The following THSD7A variants were observed in gnomAD, a reference collection of about 807,000 sequenced individuals.
THSD7A encodes the protein thrombospondin type-1 domain-containing protein 7A.
THSD7A carries 96 observed loss-of-function variants against 231.3 expected under a neutral mutation model. The ratio of observed to expected loss-of-function variants is 0.41; its 90% CI spans 0.35 to 0.49. The LOEUF (loss-of-function observed/expected upper bound fraction) is 0.49, where lower values mean the gene tolerates loss of function less well. THSD7A is among the 20% of genes least tolerant of loss of function. The pLI, the probability that THSD7A is intolerant of heterozygous loss-of-function variation, is 0.05. For missense variants in THSD7A, 2,290 were observed against 2,070.2 expected (o/e 1.11, Z -2.06); for synonymous variants, 940 against 743.3 (o/e 1.26, Z -4.30).
chr7:11,822,011 C>A (rs1784888072), intron 1 of THSD7A, among the ~76,000 whole-genome samples: 1 of 152,118 alleles, frequency 6.6e-6, no homozygotes, highest in African/African-American at 2.4e-5. Context: ...TATCATTGCT[C>A]CAAGTATTAC....
intron 1 of THSD7A, among the ~76,000 whole-genome samples, chr7:11,745,270 G>A (rs1004980228): frequency 8.6e-5 from 13 of 151,940 alleles, no homozygotes; most frequent in South Asian, 2.1e-4. Flanking sequence ...CATGTCCTTC[G>A]CCCACTTTTT....
intron 17 of THSD7A, among the ~76,000 whole-genome samples, chr7:11,416,463 C>A (rs1783963586): frequency 1.3e-5 from 2 of 152,124 alleles, no homozygotes; most frequent in South Asian, 4.1e-4. Flanking sequence ...GAAATTAGAA[C>A]AGAAAATCAA....
chr7:11,633,456 T>C (rs1008105395), intron 2 of THSD7A, among the ~76,000 whole-genome samples: 2 of 152,202 alleles, frequency 1.3e-5, no homozygotes, highest in South Asian at 2.1e-4. Context: ...AACTCAAGTA[T>C]GCTTCAGCAG....
At chr7:11,641,232 G>A (rs990822805) in intron 1 of THSD7A, among the ~76,000 whole-genome samples, 8 of 152,072 alleles carry the variant, frequency 5.3e-5, no homozygotes, top group Admixed American at 5.2e-4. Context: ...AAGCTTTGCA[G>A]TTCTGCTAAT....
intron 13 of THSD7A, 80 bp downstream of exon 13, chr7:11,445,981 T>G: frequency 6.5e-7 from 1 of 1,539,780 alleles, no homozygotes; most frequent in South Asian, 1.2e-5. Context: ...AACCTTCACT[T>G]CCATTCCACT....
In THSD7A at chr7:11,746,412, T is replaced by G. The variant is rs143269668; in HGVS notation, c.190+85345A>C. 7.4e-3 allele frequency among the ~76,000 whole-genome samples: 1,120 copies of G among 152,028 alleles called. 24 individuals are homozygous for G. The highest frequency in any genetic ancestry group is 0.025 in the African/African-American group (1,052 of 41,540). ...GATGTCCTTTTTCTGTTCCAGGATC[T>G]AATCCAGAATCCCCCAATGCATTTT... On this transcript the variant is annotated intron_variant, in intron 1 of 27. Coordinates refer to ENST00000423059, the MANE Select transcript of THSD7A (RefSeq NM_015204.3).
intron 22 of THSD7A, among the ~76,000 whole-genome samples, chr7:11,402,764 G>A (rs1413508761): frequency 3.3e-5 from 5 of 152,216 alleles, no homozygotes; most frequent in Middle Eastern, 6.8e-3. Flanking sequence ...TCTCATTTAT[G>A]TTTGTGAAAT....
chr7:11,515,697 A>T (rs1281316193), intron 6 of THSD7A, among the ~76,000 whole-genome samples: 1 of 152,166 alleles, frequency 6.6e-6, no homozygotes, highest in Non-Finnish European at 1.5e-5. Flanking sequence ...GAGAAAAGAC[A>T]GCCCATGTTT....
chr7:11,401,841 A>C lies in THSD7A; in HGVS notation c.4365T>G (p.Asn1455Lys), dbSNP rs1265465260. 1 of 1,613,776 alleles carries C rather than the reference A, an allele frequency of 6.2e-7. No homozygotes were observed. The highest frequency in any genetic ancestry group is 1.1e-5 in the South Asian group (1 of 91,060). Residue 1455 changes from asparagine to lysine, a missense_variant, in exon 23 of 28, where the codon AAT becomes AAG. By Grantham distance (94) the Asn-to-Lys change is moderately conservative. Coordinates refer to ENST00000423059, the MANE Select transcript of THSD7A (RefSeq NM_015204.3). ...ACATCTGCTCTGGGCACAGATGCTG[A>C]TTCTCTAGTTCTTGTATAATCACCG... The part of the protein sequence containing the change: ...SRPVIIQELE[N>K]QHLCPEQMLE...
chr7:11,711,404 A>G lies in THSD7A; in HGVS notation c.191-74443T>C, dbSNP rs142300229. On this transcript the variant is annotated intron_variant, in intron 1 of 27. Coordinates refer to ENST00000423059, the MANE Select transcript of THSD7A (RefSeq NM_015204.3). Reference sequence around the variant, plus strand: ...ACATGGCATTCCTATCCCCCAAGTTAAGTTTCTGAAATGCTGTTTTAACCT... The same window carrying G: ...ACATGGCATTCCTATCCCCCAAGTTGAGTTTCTGAAATGCTGTTTTAACCT... Among the ~76,000 whole-genome samples the G allele has an allele frequency of 4.6e-5, 7 of 151,088 alleles. No homozygotes were observed. In the East Asian group the frequency reaches 1.2e-3, roughly 25 times the overall value.
At chr7:11,569,126 A>T (rs1790512961) in intron 4 of THSD7A, among the ~76,000 whole-genome samples, 1 of 152,208 alleles carries the variant, frequency 6.6e-6, no homozygotes, top group African/African-American at 2.4e-5. Flanking sequence ...ACATTGGTCT[A>T]GGCAAAGATT....
At chr7:11,462,234 A>G in intron 9 of THSD7A, 91 bp from the exon 10 acceptor site, 1 of 1,409,024 alleles carries the variant, frequency 7.1e-7, no homozygotes, top group African/African-American at 1.4e-5. Context: ...CATTGCCTCC[A>G]GCTACATGTG....
intron 1 of THSD7A, among the ~76,000 whole-genome samples, chr7:11,647,886 T>A: frequency 6.6e-6 from 1 of 152,022 alleles, no homozygotes. Flanking sequence ...ATAGCACCCA[T>A]CCCTGATACA....
At chr7:11,798,700 T>G (rs1262530500) in intron 1 of THSD7A, among the ~76,000 whole-genome samples, 2 of 152,126 alleles carry the variant, frequency 1.3e-5, no homozygotes, top group Non-Finnish European at 2.9e-5. Context: ...ATTGGTAAAG[T>G]TGGTATCTAA....
intron 6 of THSD7A, among the ~76,000 whole-genome samples, chr7:11,536,818 A>G (rs1320470949): frequency 6.6e-6 from 1 of 151,326 alleles, no homozygotes; most frequent in Admixed American, 6.6e-5. Context: ...GAGTTCTATA[A>G]CTTCTCTTTT....
intron 6 of THSD7A, among the ~76,000 whole-genome samples, chr7:11,501,251 G>T (rs990972836): frequency 2.0e-5 from 3 of 152,132 alleles, no homozygotes; most frequent in African/African-American, 7.2e-5. Flanking sequence ...AGATATTCAG[G>T]ACCTAAACTC....
At chr7:11,413,367 A>C (rs191757115) in intron 17 of THSD7A, among the ~76,000 whole-genome samples, 39 of 152,264 alleles carry the variant, frequency 2.6e-4, no homozygotes, top group Non-Finnish European at 5.3e-4. Flanking sequence ...ACCACAGAGA[A>C]ACCTTGAAAA....
intron 2 of THSD7A, among the ~76,000 whole-genome samples, chr7:11,630,597 T>C (rs548686894): frequency 6.6e-5 from 10 of 152,308 alleles, no homozygotes; most frequent in African/African-American, 2.2e-4. Context: ...CCAACAGAAA[T>C]CTGTTTAAAA....
intron 1 of THSD7A, among the ~76,000 whole-genome samples, chr7:11,706,922 T>C (rs1338353327): frequency 6.6e-6 from 1 of 150,738 alleles, no homozygotes; most frequent in Non-Finnish European, 1.5e-5. Flanking sequence ...TCAGGGTTTT[T>C]CAGCTTGTTA....
Sources: gnomAD v4.1 joint callset for allele counts (sites outside exome capture counted in the v4.1 genomes callset) on GRCh38, gnomAD v4.1.1 for gene constraint, MANE v1.5 for transcripts, NCBI Gene and HGNC (gene_info 2026-07-23, HGNC 2026-07-21) for gene names.